The following GDF2 variants were observed in gnomAD, a reference collection of about 807,000 sequenced individuals.
GDF2 encodes the protein growth/differentiation factor 2.
Under a neutral mutation model 16.9 loss-of-function variants are expected in GDF2, and 17 were observed. That is an observed-to-expected ratio of 1.00 (90% CI 0.69 to 1.51). The LOEUF is 1.51. Among genes scored for constraint, GDF2 ranks in the 40% most tolerant of loss-of-function variants. The probability of loss-of-function intolerance (pLI) is 0.00; values close to 1 mark genes in which losing one functional copy is unlikely to be tolerated. For synonymous variants in GDF2, 276 were observed against 237.6 expected (o/e 1.16, Z -1.49); for missense variants, 523 against 556.3 (o/e 0.94, Z 0.60).
chr10:47,325,844 G>A lies in GDF2; in HGVS notation c.*60G>A. On this transcript the variant is annotated 3_prime_UTR_variant, in exon 2 of 2. Coordinates refer to ENST00000581492, the MANE Select transcript of GDF2 (RefSeq NM_016204.4). ...GGGCTCCACATGAGAGGTCCTGCAT[G>A]CCCCTGGGCACAACAAGGACTGATT... The A allele has an allele frequency of 2.4e-6, 3 of 1,225,982 alleles. No individual in the cohort carries two copies. In the South Asian group the frequency reaches 4.8e-5, roughly 19 times the overall value. The allele number at this position is 1,225,982 out of a possible 1,614,324, so 75.9% of individuals were successfully genotyped here. A position where few individuals can be genotyped will look rare whatever the true frequency, so the allele number is the denominator to read the frequency against.
intron 1 of GDF2, among the ~76,000 whole-genome samples, chr10:47,324,022 A>G (rs2061094616): frequency 6.6e-6 from 1 of 152,260 alleles, no homozygotes; most frequent in Admixed American, 6.5e-5. Context: ...ATGTGGGTAT[A>G]TAGCAAGTGC....
chr10:47,324,700 G>A (rs2061097599), intron 1 of GDF2, 141 bp from the exon 2 acceptor site: 1 of 613,202 alleles, frequency 1.6e-6, no homozygotes, highest in Non-Finnish European at 2.9e-6. Context: ...ATACTTTAAG[G>A]GCTTGGGTGA....
In GDF2 at chr10:47,325,755, A is replaced by G. The variant is rs781789863; in HGVS notation, c.1261A>G (p.Met421Val). The G allele has an allele frequency of 6.4e-7, 1 of 1,557,824 alleles. No individual in the cohort carries two copies. Among genetic ancestry groups the G allele is most frequent in the Non-Finnish European group, 8.7e-7 (1 of 1,150,048 alleles). Reference sequence around the variant, plus strand: ...CACCCTCAAGTACCATTACGAGGGCATGAGCGTGGCAGAGTGTGGGTGCAG... The same window carrying G: ...CACCCTCAAGTACCATTACGAGGGCGTGAGCGTGGCAGAGTGTGGGTGCAG... Reference protein sequence around the residue: ...VPTLKYHYEGMSVAECGCR With the variant: ...VPTLKYHYEGVSVAECGCR The change falls in exon 2 of 2, where the codon ATG becomes GTG. Residue 421 changes from methionine to valine, a missense_variant. Met to Val is a conservative substitution (Grantham distance 21, BLOSUM62 1). Coordinates refer to ENST00000581492, the MANE Select transcript of GDF2 (RefSeq NM_016204.4).
In GDF2 at chr10:47,325,318, TG is replaced by T. The variant is rs1555209009; in HGVS notation, c.825del (p.Met275IlefsTer40). ...TKETRLELREMISHEQESVLK... is the reference protein window; with the variant it reads ...TKETRLELREXISHEQESVLK... Reference sequence around the variant, plus strand: ...GAGACCAGGCTGGAGCTGAGGGAGATGATCAGCCATGAACAAGAGAGCGTGC... The same window carrying T: ...GAGACCAGGCTGGAGCTGAGGGAGATATCAGCCATGAACAAGAGAGCGTGC... On this transcript the variant is annotated frameshift_variant, in exon 2 of 2. Transcript: ENST00000581492. LOFTEE classifies it high-confidence loss of function. 6.2e-7 allele frequency: 1 copy of T among 1,613,956 alleles called. No homozygotes were observed. Among genetic ancestry groups the T allele is most frequent in the Non-Finnish European group, 8.5e-7 (1 of 1,180,024 alleles).
At position 47,325,562 on chromosome 10, in the gene GDF2, T is replaced by C. The variant is rs781876898; in HGVS notation, c.1068T>C (p.Cys356=). The C allele has an allele frequency of 4.3e-5, 70 of 1,613,910 alleles. No homozygotes were observed. The Middle Eastern group carries it at 4.9e-4, about 11-fold the overall frequency. The change falls in exon 2 of 2, where the codon TGT becomes TGC. Residue 356 remains cysteine, a synonymous_variant. Coordinates refer to ENST00000581492, the MANE Select transcript of GDF2 (RefSeq NM_016204.4). The part of the protein sequence containing the change: ...IAPKEYEAYE[C]KGGCFFPLAD... ...CCAAGGAGTATGAAGCCTACGAGTG[T>C]AAGGGCGGCTGCTTCTTCCCCTTGG...
In GDF2 at chr10:47,325,468, G is replaced by A. The variant is rs781792145; in HGVS notation, c.974G>A (p.Ser325Asn). The A allele has an allele frequency of 1.2e-6, 2 of 1,613,928 alleles. No individual in the cohort carries two copies. Among genetic ancestry groups the A allele is most frequent in the Non-Finnish European group, 1.7e-6 (2 of 1,180,048 alleles). Reference sequence around the variant, plus strand: ...CGGAAAAGGAGCGCCGGGGCTGGCAGCCACTGTCAAAAGACCTCCCTGCGG... The same window carrying A: ...CGGAAAAGGAGCGCCGGGGCTGGCAACCACTGTCAAAAGACCTCCCTGCGG... The part of the protein sequence containing the change: ...ARRKRSAGAG[S>N]HCQKTSLRVN... The change falls in exon 2 of 2, where the codon AGC becomes AAC. Residue 325 changes from serine to asparagine, a missense_variant. By Grantham distance (46) the Ser-to-Asn change is conservative. Coordinates refer to ENST00000581492, the MANE Select transcript of GDF2 (RefSeq NM_016204.4).
rs782554572 is a variant in GDF2 at position 47,325,465 on chromosome 10, G to A, written c.971G>A (p.Gly324Asp). ...LARRKRSAGA[G>D]SHCQKTSLRV... ...AGGCGGAAAAGGAGCGCCGGGGCTG[G>A]CAGCCACTGTCAAAAGACCTCCCTG... Residue 324 changes from glycine to aspartate, a missense_variant, in exon 2 of 2, where the codon GGC (glycine) becomes GAC (aspartate). Transcript: ENST00000581492. The A allele has an allele frequency of 9.9e-6, 16 of 1,613,522 alleles. No homozygotes were observed. In the East Asian group the frequency reaches 3.3e-4, roughly 34 times the overall value.
chr10:47,326,629 G>C lies in GDF2; in HGVS notation c.*845G>C, dbSNP rs2061108577. 6.6e-6 allele frequency among the ~76,000 whole-genome samples: 1 copy of C among 152,256 alleles called. No individual in the cohort carries two copies. ...AGGACAGCAGCCCTGTGGGCTGCAT[G>C]ATACACTGTGGCTGGAGTTATTGTG... On this transcript the variant is annotated 3_prime_UTR_variant, in exon 2 of 2. Coordinates refer to ENST00000581492, the MANE Select transcript of GDF2 (RefSeq NM_016204.4).
chr10:47,325,691 C>A lies in GDF2; in HGVS notation c.1197C>A (p.Ser399Arg), dbSNP rs1555209089. ...CCTGCTGTGTGCCCACCAAACTGAG[C>A]CCCATCTCCGTCCTCTACAAGGATG... is the stretch of plus-strand genomic sequence containing the variant. ...GKACCVPTKLSPISVLYKDDM... is the reference protein window; with the variant it reads ...GKACCVPTKLRPISVLYKDDM... Residue 399 changes from serine to arginine, a missense_variant, in exon 2 of 2, where the codon AGC (serine) becomes AGA (arginine). Ser to Arg is a moderately radical substitution (Grantham distance 110). Coordinates refer to ENST00000581492, the MANE Select transcript of GDF2 (RefSeq NM_016204.4). The A allele has an allele frequency of 9.3e-6, 15 of 1,606,602 alleles. No homozygotes were observed. The highest frequency in any genetic ancestry group is 1.7e-5 in the Admixed American group (1 of 59,710).
chr10:47,325,414 A>G lies in GDF2; in HGVS notation c.920A>G (p.His307Arg). The G allele has an allele frequency of 6.2e-7, 1 of 1,614,028 alleles. No homozygotes were observed. ...AGTCACGAGGAGGACACGGATGGCC[A>G]CGTGGCTGCGGGGTCGACTTTAGCC... Reference protein sequence around the residue: ...ESSHEEDTDGHVAAGSTLARR... With the variant: ...ESSHEEDTDGRVAAGSTLARR... The change falls in exon 2 of 2, where the codon CAC becomes CGC. Residue 307 changes from histidine (H) to arginine (R), a missense_variant. His to Arg is a conservative substitution (Grantham distance 29). Transcript: ENST00000581492.
Position 47,325,392 on chromosome 10 carries a change from C to G in GDF2, c.898C>G (p.His300Asp), listed in dbSNP as rs1242016714. ...DGSTEAGESS[H>D]EEDTDGHVAA... is the part of the protein sequence containing the mutation. The stretch of plus-strand genomic sequence containing the variant: ...CTCCACAGAGGCAGGTGAGAGCAGT[C>G]ACGAGGAGGACACGGATGGCCACGT... Residue 300 changes from histidine to aspartate, a missense_variant, in exon 2 of 2, where the codon CAC becomes GAC. Physicochemically the swap from His to Asp is moderately conservative, Grantham distance 81. Transcript: ENST00000581492. The G allele has an allele frequency of 6.2e-7, 1 of 1,613,976 alleles. No individual in the cohort carries two copies. Among genetic ancestry groups the G allele is most frequent in the Non-Finnish European group, 8.5e-7 (1 of 1,180,050 alleles).
At position 47,325,919 on chromosome 10, in the gene GDF2, C is replaced by T. The variant is rs192292614; in HGVS notation, c.*135C>T. 1.7e-5 allele frequency: 11 copies of T among 634,390 alleles called. No individual in the cohort carries two copies. The highest frequency in any genetic ancestry group is 5.6e-5 in the East Asian group (2 of 35,852). The allele number at this position is 634,390 out of a possible 1,614,324, so 39.3% of individuals were successfully genotyped here. ...GGAAAGGGAGCCTGCTCTCCCTCCC[C>T]ACACCCCACCCAAAGCATACACCGC... On this transcript the variant is annotated 3_prime_UTR_variant, in exon 2 of 2. Transcript: ENST00000581492.
intron 1 of GDF2, 33 bp downstream of exon 1, chr10:47,323,047 G>A (rs1287484669): frequency 1.3e-6 from 2 of 1,507,282 alleles, no homozygotes; most frequent in Non-Finnish European, 1.8e-6. Flanking sequence ...GCGCGCTGGG[G>A]TGGGACTCAC....
At position 47,322,976 on chromosome 10, in the gene GDF2, C is replaced by A. The variant is rs148790168; in HGVS notation, c.308C>A (p.Thr103Lys). ...YNRYTSDKST[T>K]PASNIVRSFS... ...AGGTACACGTCCGATAAGTCGACTA[C>A]GCCAGCGTCCAACATTGTGCGGAGC... Residue 103 changes from threonine (T) to lysine (K), a missense_variant, in exon 1 of 2, where the codon ACG becomes AAG. Transcript: ENST00000581492. 6.2e-7 allele frequency: 1 copy of A among 1,606,820 alleles called. No homozygotes were observed. Among genetic ancestry groups the A allele is most frequent in the African/African-American group, 1.3e-5 (1 of 74,924 alleles).
intron 1 of GDF2, 47 bp downstream of exon 1, chr10:47,323,061 T>C: frequency 7.1e-7 from 1 of 1,407,452 alleles, no homozygotes; most frequent in African/African-American, 1.4e-5. Context: ...GACTCACAGG[T>C]CCACAGCTGC....
rs1555209102 is a variant in GDF2, at chr10:47,325,753, G to A, written c.1259G>A (p.Gly420Asp). 2.6e-6 allele frequency: 4 copies of A among 1,558,038 alleles called. No individual in the cohort carries two copies. The highest frequency in any genetic ancestry group is 2.6e-6 in the Non-Finnish European group (3 of 1,150,310). ...CCCACCCTCAAGTACCATTACGAGG[G>A]CATGAGCGTGGCAGAGTGTGGGTGC... ...GVPTLKYHYE[G>D]MSVAECGCR The change falls in exon 2 of 2, where the codon GGC (glycine) becomes GAC (aspartate). Residue 420 changes from glycine (G) to aspartate (D), a missense_variant. Transcript: ENST00000581492.
Position 47,322,677 on chromosome 10 carries a change from TG to T in GDF2, c.13del (p.Ala5HisfsTer51). The T allele has an allele frequency of 6.4e-7, 1 of 1,556,782 alleles. No homozygotes were observed. Among genetic ancestry groups the T allele is most frequent in the Non-Finnish European group, 8.7e-7 (1 of 1,146,798 alleles). On this transcript the variant is annotated frameshift_variant, in exon 1 of 2. Transcript: ENST00000581492. LOFTEE classifies it high-confidence loss of function. ...GATTGCGCGGGCCTAAGATGTGTCC[TG>T]GGGCACTGTGGGTGGCCCTGCCCCT... MCP[G>X]ALWVALPLLS...
chr10:47,324,903 A>C lies in GDF2; in HGVS notation c.409A>C (p.Ile137Leu), dbSNP rs2061098677. 1 of 1,613,704 alleles carries C rather than the reference A, an allele frequency of 6.2e-7. No homozygotes were observed. Among genetic ancestry groups the C allele is most frequent in the South Asian group, 1.1e-5 (1 of 91,082 alleles). Reference sequence around the variant, plus strand: ...CCAGAAGCACATCTTGCTCTTCAACATCTCCATTCCTAGGCATGAGCAGAT... The same window carrying C: ...CCAGAAGCACATCTTGCTCTTCAACCTCTCCATTCCTAGGCATGAGCAGAT... ...PFQKHILLFN[I>L]SIPRHEQITR... Residue 137 changes from isoleucine (I) to leucine (L), a missense_variant, in exon 2 of 2, where the codon ATC becomes CTC. Coordinates refer to ENST00000581492, the MANE Select transcript of GDF2 (RefSeq NM_016204.4).
chr10:47,325,780 G>T lies in GDF2; in HGVS notation c.1286G>T (p.Arg429Met). 6.5e-7 allele frequency: 1 copy of T among 1,535,494 alleles called. No homozygotes were observed. Among genetic ancestry groups the T allele is most frequent in the Non-Finnish European group, 8.8e-7 (1 of 1,141,018 alleles). ...ATGAGCGTGGCAGAGTGTGGGTGCAGGTAGTATCTGCCTGCGGGGCTGGGG... is the reference window on the plus strand; with the variant it reads ...ATGAGCGTGGCAGAGTGTGGGTGCATGTAGTATCTGCCTGCGGGGCTGGGG... ...EGMSVAECGC[R>M] The change falls in exon 2 of 2, where the codon AGG becomes ATG. Residue 429 changes from arginine (R) to methionine (M), a missense_variant. Coordinates refer to ENST00000581492, the MANE Select transcript of GDF2 (RefSeq NM_016204.4).
Sources: gnomAD v4.1 joint callset for allele counts (sites outside exome capture counted in the v4.1 genomes callset) on GRCh38, gnomAD v4.1.1 for gene constraint, MANE v1.5 for transcripts, NCBI Gene and HGNC (gene_info 2026-07-23, HGNC 2026-07-21) for gene names.